Variants in ADAMTS2 observed in about 807,000 individuals in gnomAD.
The protein encoded by ADAMTS2 is ADAM metallopeptidase with thrombospondin type 1 motif 2.
A neutral mutation model predicts 123.0 loss-of-function variants in ADAMTS2; 50 were observed. That is an observed-to-expected ratio of 0.41 (90% CI 0.32 to 0.51). ADAMTS2 has a LOEUF of 0.51. Ranked by LOEUF, ADAMTS2 falls within the 20% of genes least tolerant of loss-of-function variation. ADAMTS2 has a pLI of 0.35. For missense variants in ADAMTS2, 1,494 were observed against 1,705.2 expected (o/e 0.88, Z 2.18); for synonymous variants, 678 against 695.4 (o/e 0.98, Z 0.39).
intron 3 of ADAMTS2, among the ~76,000 whole-genome samples, chr5:179,232,135 C>T (rs919677563): frequency 1.3e-5 from 2 of 152,148 alleles, no homozygotes; most frequent in Non-Finnish European, 2.9e-5. Flanking sequence ...CCACGTTTAT[C>T]CTGGACTTTG....
At chr5:179,247,059 C>T (rs1765817594) in intron 3 of ADAMTS2, among the ~76,000 whole-genome samples, 1 of 152,174 alleles carries the variant, frequency 6.6e-6, no homozygotes, top group African/African-American at 2.4e-5. Flanking sequence ...AGCCTAGACA[C>T]CTCATGTGCC....
chr5:179,164,607 G>A (rs938037883), intron 5 of ADAMTS2, among the ~76,000 whole-genome samples: 7 of 152,234 alleles, frequency 4.6e-5, no homozygotes, highest in Non-Finnish European at 7.4e-5. Context: ...CAGGAAACAT[G>A]GTCACGGCAA....
chr5:179,223,966 C>T (rs372856107), intron 3 of ADAMTS2, among the ~76,000 whole-genome samples: 9 of 152,222 alleles, frequency 5.9e-5, no homozygotes, highest in East Asian at 1.9e-4. Flanking sequence ...AATAAATAAA[C>T]GGGCCAAAAA....
chr5:179,315,148 A>G (rs1756952687), intron 2 of ADAMTS2, among the ~76,000 whole-genome samples: 1 of 146,042 alleles, frequency 6.8e-6, no homozygotes, highest in Non-Finnish European at 1.5e-5. Flanking sequence ...TCCCTGCCTC[A>G]GACCCTCCCA....
At chr5:179,305,990 T>C (rs1005138305) in intron 2 of ADAMTS2, among the ~76,000 whole-genome samples, 1 of 152,036 alleles carries the variant, frequency 6.6e-6, no homozygotes, top group Non-Finnish European at 1.5e-5. Context: ...TAGTTTAAAA[T>C]CCTGCAAAAA....
Position 179,162,550 on chromosome 5 carries a change from A to G in ADAMTS2, c.976-3671T>C, listed in dbSNP as rs1257406356. Among the ~76,000 whole-genome samples, 1 of 152,118 alleles carries G rather than the reference A, an allele frequency of 6.6e-6. No homozygotes were observed. ...GGCCCCAGCTGAGCTGTTGCACACCATACCGTATGGGCCCCTCCTGGGGCC... is the reference window on the plus strand; with the variant it reads ...GGCCCCAGCTGAGCTGTTGCACACCGTACCGTATGGGCCCCTCCTGGGGCC... On this transcript the variant is annotated intron_variant, in intron 5 of 21. Coordinates refer to ENST00000251582, the MANE Select transcript of ADAMTS2 (RefSeq NM_014244.5). The surrounding 1 kb of genome is among the most constrained non-coding windows in gnomAD (Gnocchi z 5.1).
rs1225081085 is a variant in ADAMTS2 at position 179,140,025 on chromosome 5, T to C, written c.1640A>G (p.Lys547Arg). 6.2e-7 allele frequency: 1 copy of C among 1,614,006 alleles called. No homozygotes were observed. The highest frequency in any genetic ancestry group is 8.5e-7 in the Non-Finnish European group (1 of 1,179,930). The stretch of plus-strand genomic sequence containing the variant: ...AGGTGTCAGCCAGATGCAGTGTCCT[T>C]TAAAACAATGCTGAAAGACAGGAAG... ...TMCAPGKHCF[K>R]GHCIWLTPDI... The change falls in exon 11 of 22, where the codon AAA becomes AGA. Residue 547 changes from lysine (K) to arginine (R), a missense_variant. Physicochemically the swap from Lys to Arg is conservative, Grantham distance 26. Coordinates refer to ENST00000251582, the MANE Select transcript of ADAMTS2 (RefSeq NM_014244.5).
intron 3 of ADAMTS2, among the ~76,000 whole-genome samples, chr5:179,250,697 C>T (rs993052973): frequency 6.6e-6 from 1 of 152,222 alleles, no homozygotes; most frequent in Non-Finnish European, 1.5e-5. Flanking sequence ...TAGCGCAAGG[C>T]CCTGGGAGGC....
At position 179,178,517 on chromosome 5, in the gene ADAMTS2, C is replaced by A. The variant is rs182910072; in HGVS notation, c.975+2555G>T. On this transcript the variant is annotated intron_variant, in intron 5 of 21. Transcript: ENST00000251582. Reference sequence around the variant, plus strand: ...AGCCTCCCAACAGCTTCCTAGTGGGCAGATGGCCCTGCATGCTTTCCTTTC... The same window carrying A: ...AGCCTCCCAACAGCTTCCTAGTGGGAAGATGGCCCTGCATGCTTTCCTTTC... Among the ~76,000 whole-genome samples, 1,310 of 152,360 alleles carry A rather than the reference C, an allele frequency of 8.6e-3. 9 individuals carry two copies. Among genetic ancestry groups the A allele is most frequent in the Non-Finnish European group, 0.012 (805 of 68,032 alleles).
chr5:179,254,098 C>T (rs972387126), intron 3 of ADAMTS2, among the ~76,000 whole-genome samples: 7 of 152,246 alleles, frequency 4.6e-5, no homozygotes. Context: ...GCACTCTGGA[C>T]TGTTTTAACC....
chr5:179,275,370 G>A (rs931974609), intron 2 of ADAMTS2, among the ~76,000 whole-genome samples: 9 of 151,946 alleles, frequency 5.9e-5, no homozygotes, highest in African/African-American at 2.2e-4. Flanking sequence ...GGAGGGAGGA[G>A]GAAGCACCTG....
At chr5:179,319,180 G>A (rs61095604) in intron 2 of ADAMTS2, among the ~76,000 whole-genome samples, 2,821 of 152,210 alleles carry the variant, frequency 0.019, 72 homozygotes, top group African/African-American at 0.064. Context: ...CGTCACACAG[G>A]CACCATGCAG....
At position 179,272,101 on chromosome 5, in the gene ADAMTS2, G is replaced by A. The variant is rs528943499; in HGVS notation, c.688+810C>T. 4.6e-5 allele frequency among the ~76,000 whole-genome samples: 7 copies of A among 152,338 alleles called. No homozygotes were observed. In the East Asian group the frequency reaches 1.4e-3, roughly 29 times the overall value. The stretch of plus-strand genomic sequence containing the variant: ...TCCCTGACCACACGGGGGACCCTGA[G>A]AACTATGGGCCTGCAGAACCACATC... On this transcript the variant is annotated intron_variant, in intron 3 of 21. Transcript: ENST00000251582. The surrounding 1 kb of genome is among the most constrained non-coding windows in gnomAD (Gnocchi z 5.8).
intron 3 of ADAMTS2, among the ~76,000 whole-genome samples, chr5:179,237,447 G>A (rs1434664291): frequency 1.3e-5 from 2 of 152,176 alleles, no homozygotes; most frequent in Non-Finnish European, 2.9e-5. Flanking sequence ...CCAGAACCAT[G>A]AGAAAGAAAT....
chr5:179,218,705 T>C (rs1765057786), intron 3 of ADAMTS2, among the ~76,000 whole-genome samples: 2 of 152,180 alleles, frequency 1.3e-5, no homozygotes, highest in African/African-American at 4.8e-5. Flanking sequence ...CTGTGCCGAA[T>C]CTCAGGGGCA....
intron 2 of ADAMTS2, among the ~76,000 whole-genome samples, chr5:179,342,116 G>C (rs1369959933): frequency 6.6e-6 from 1 of 152,156 alleles, no homozygotes; most frequent in Non-Finnish European, 1.5e-5. Flanking sequence ...ATAAACATAT[G>C]AGAAGGTGCT....
chr5:179,268,605 T>C (rs1766436661), intron 3 of ADAMTS2, among the ~76,000 whole-genome samples: 2 of 152,232 alleles, frequency 1.3e-5, no homozygotes, highest in Admixed American at 1.3e-4. Context: ...GCACGTGGTC[T>C]TGGAGTCAGC....
chr5:179,124,822 G>A lies in ADAMTS2; in HGVS notation c.2958+151C>T, dbSNP rs142717271. On this transcript the variant is annotated intron_variant, in intron 19 of 21. Transcript: ENST00000251582. ...CAGAGCTCGCTGCTGCAGGCCCGGC[G>A]GCTCTCAGGCCGGGCGTCATTGCAG... 2,330 of 1,598,464 alleles carry A rather than the reference G, an allele frequency of 1.5e-3. 29 individuals are homozygous for A. In the South Asian group the frequency reaches 0.015, roughly 10 times the overall value.
chr5:179,193,362 C>T (rs1006051571), intron 4 of ADAMTS2, among the ~76,000 whole-genome samples: 2 of 152,164 alleles, frequency 1.3e-5, no homozygotes, highest in African/African-American at 2.4e-5. Flanking sequence ...CCACACCCTG[C>T]GAGTGAGTGT....
Sources: gnomAD v4.1 joint callset for allele counts (sites outside exome capture counted in the v4.1 genomes callset) on GRCh38, gnomAD v4.1.1 for gene constraint, Gnocchi (gnomAD v3.1) non-coding constraint, MANE v1.5 for transcripts, NCBI Gene and HGNC (gene_info 2026-07-23, HGNC 2026-07-21) for gene names.